DLG2: variants seen among roughly 807,000 people sequenced by gnomAD.
DLG2 encodes the protein disks large homolog 2.
A neutral mutation model predicts 132.5 loss-of-function variants in DLG2; 45 were observed. The ratio of observed to expected loss-of-function variants is 0.34; its 90% CI spans 0.27 to 0.44. The LOEUF (loss-of-function observed/expected upper bound fraction) is 0.44, where lower values mean the gene tolerates loss of function less well. Among genes scored for constraint, DLG2 ranks in the 20% least tolerant of loss-of-function variants. DLG2 has a pLI of 1.00. For synonymous variants in DLG2, 424 were observed against 419.6 expected, an observed-to-expected ratio of 1.01 and a Z score of -0.13; for missense variants, 1,045 against 1,196.9, an observed-to-expected ratio of 0.87 and a Z score of 1.87.
intron 6 of DLG2, among the ~76,000 whole-genome samples, chr11:84,735,075 T>A (rs1171098715): frequency 6.6e-6 from 1 of 152,184 alleles, no homozygotes; most frequent in Non-Finnish European, 1.5e-5. Context: ...TCAATGTTCA[T>A]CAGGGATATT....
At chr11:85,507,091 A>C (rs557671125) in intron 3 of DLG2, among the ~76,000 whole-genome samples, 1 of 152,156 alleles carries the variant, frequency 6.6e-6, no homozygotes, top group Admixed American at 6.5e-5. Context: ...CTTTATTTTA[A>C]GCCTATGTGT....
At chr11:84,722,149 T>G (rs771558658) in intron 6 of DLG2, among the ~76,000 whole-genome samples, 15 of 152,156 alleles carry the variant, frequency 9.9e-5, no homozygotes, top group Non-Finnish European at 2.1e-4. Flanking sequence ...TCCAAAGTCT[T>G]CAGATTTATT....
chr11:83,495,239 T>TG (rs1324769756), intron 21 of DLG2, among the ~76,000 whole-genome samples: 5 of 152,084 alleles, frequency 3.3e-5, no homozygotes, highest in African/African-American at 9.7e-5. Flanking sequence ...GTGTGTCTGT[T>TG]GGAGTGGGGG....
At chr11:84,194,303 C>T (rs764808788) in intron 8 of DLG2, among the ~76,000 whole-genome samples, 1 of 152,092 alleles carries the variant, frequency 6.6e-6, no homozygotes, top group Non-Finnish European at 1.5e-5. Context: ...AAAGATGGTG[C>T]CTCTGGAGTT....
At chr11:84,473,273 T>A (rs1400766711) in intron 7 of DLG2, among the ~76,000 whole-genome samples, 2 of 152,010 alleles carry the variant, frequency 1.3e-5, no homozygotes, top group African/African-American at 2.4e-5. Flanking sequence ...TGCATTGCAG[T>A]CCCCTCATTT....
chr11:83,790,650 A>C, intron 17 of DLG2: 1 of 1,131,592 alleles, frequency 8.8e-7, no homozygotes, highest in South Asian at 1.2e-5. Context: ...CAATGGTGAG[A>C]GTGGAGGGAC....
At chr11:85,052,270 T>C (rs1001985433) in intron 6 of DLG2, among the ~76,000 whole-genome samples, 1 of 152,198 alleles carries the variant, frequency 6.6e-6, no homozygotes, top group Non-Finnish European at 1.5e-5. Context: ...TGGGAGTTCA[T>C]AGTCTATTTC....
chr11:83,918,630 G>C (rs1435458395), intron 15 of DLG2, among the ~76,000 whole-genome samples: 2 of 152,170 alleles, frequency 1.3e-5, no homozygotes, highest in Non-Finnish European at 2.9e-5. Flanking sequence ...AAAGGCTCCA[G>C]TATGAAAATC....
intron 6 of DLG2, among the ~76,000 whole-genome samples, chr11:84,656,331 G>T (rs545211473): frequency 6.6e-6 from 1 of 152,212 alleles, no homozygotes; most frequent in African/African-American, 2.4e-5. Context: ...ATTCACTTGA[G>T]CCATGGAAAC....
At chr11:85,372,798 G>A in intron 3 of DLG2, among the ~76,000 whole-genome samples, 1 of 151,816 alleles carries the variant, frequency 6.6e-6, no homozygotes, top group Non-Finnish European at 1.5e-5. Flanking sequence ...GGAATACAAG[G>A]ATGGAAGAGG....
chr11:84,892,531 GTT>G, intron 6 of DLG2, among the ~76,000 whole-genome samples: 2 of 151,974 alleles, frequency 1.3e-5, no homozygotes, highest in South Asian at 4.1e-4. Flanking sequence ...ATTTATATAT[GTT>G]TTCTAAATTT....
At chr11:84,682,707 C>T (rs532409979) in intron 6 of DLG2, among the ~76,000 whole-genome samples, 2 of 152,246 alleles carry the variant, frequency 1.3e-5, no homozygotes, top group African/African-American at 4.8e-5. Context: ...AGACTCAGCC[C>T]CAGCTCAGTT....
intron 16 of DLG2, among the ~76,000 whole-genome samples, chr11:83,873,129 G>C (rs1002725380): frequency 6.6e-6 from 1 of 152,116 alleles, no homozygotes; most frequent in East Asian, 1.9e-4. Context: ...CATTATAGAG[G>C]ACAGAGCCAC....
intron 4 of DLG2, among the ~76,000 whole-genome samples, chr11:85,228,360 T>C (rs2075097509): frequency 6.6e-6 from 1 of 152,118 alleles, no homozygotes; most frequent in Non-Finnish European, 1.5e-5. Context: ...GAACAGTATT[T>C]CACATGATAG....
chr11:84,605,131 T>A (rs1175957449), intron 6 of DLG2, among the ~76,000 whole-genome samples: 1 of 151,990 alleles, frequency 6.6e-6, no homozygotes, highest in Non-Finnish European at 1.5e-5. Context: ...ATAAGCATTT[T>A]GTTCAAGGTT....
At chr11:85,220,637 A>AATATATATATAT (rs1554992640) in intron 4 of DLG2, among the ~76,000 whole-genome samples, 4 of 148,314 alleles carry the variant, frequency 2.7e-5, no homozygotes, top group African/African-American at 9.9e-5. Flanking sequence ...TAGAAAAAAA[A>AATATATATATAT]ATATATATAT....
intron 8 of DLG2, among the ~76,000 whole-genome samples, chr11:84,205,047 G>A (rs1482753672): frequency 6.6e-6 from 1 of 152,162 alleles, no homozygotes; most frequent in Admixed American, 6.5e-5. Context: ...TAGAAATTAA[G>A]AGGATGGTAA....
At chr11:83,841,603 A>G (rs1030824635) in intron 16 of DLG2, among the ~76,000 whole-genome samples, 3 of 152,184 alleles carry the variant, frequency 2.0e-5, no homozygotes, top group African/African-American at 7.2e-5. Context: ...AGAGACCCAT[A>G]CAAAACGACA....
At chr11:84,299,319 A>G (rs1599371575) in intron 7 of DLG2, among the ~76,000 whole-genome samples, 1 of 152,258 alleles carries the variant, frequency 6.6e-6, no homozygotes, top group South Asian at 2.1e-4. Flanking sequence ...AGCAATATTC[A>G]TAATGGATTG....
Sources: gnomAD v4.1 joint callset for allele counts (sites outside exome capture counted in the v4.1 genomes callset) on GRCh38, gnomAD v4.1.1 for gene constraint, MANE v1.5 for transcripts, NCBI Gene and HGNC (gene_info 2026-07-23, HGNC 2026-07-21) for gene names.